The following MAD1L1 variants were observed in gnomAD, a reference collection of about 807,000 sequenced individuals.
The protein encoded by MAD1L1 is mitotic spindle assembly checkpoint protein MAD1.
MAD1L1 carries 95 observed loss-of-function variants against 96.9 expected under a neutral mutation model. The ratio of observed to expected loss-of-function variants is 0.98; its 90% confidence interval spans 0.83 to 1.16. The LOEUF is 1.16. Ranked by LOEUF, MAD1L1 falls within the 50% of genes most tolerant of loss-of-function variation. MAD1L1 has a pLI of 0.00. For missense variants in MAD1L1, 1,007 were observed against 954.4 expected (o/e 1.06, Z -0.73); for synonymous variants, 473 against 396.6 (o/e 1.19, Z -2.29).
intron 15 of MAD1L1, among the ~76,000 whole-genome samples, chr7:1,974,922 G>A (rs1780566682): frequency 6.6e-6 from 1 of 152,232 alleles, no homozygotes; most frequent in South Asian, 2.1e-4. Flanking sequence ...ACAGGACCCA[G>A]GCAGGCAGGG....
At chr7:2,097,374 C>T (rs542777895) in intron 11 of MAD1L1, among the ~76,000 whole-genome samples, 1 of 152,320 alleles carries the variant, frequency 6.6e-6, no homozygotes, top group South Asian at 2.1e-4. Flanking sequence ...CAAAGCAGCA[C>T]AATGCAGGCA....
intron 11 of MAD1L1, among the ~76,000 whole-genome samples, chr7:2,082,319 A>T: frequency 6.6e-6 from 1 of 151,998 alleles, no homozygotes; most frequent in East Asian, 1.9e-4. Flanking sequence ...TGTGTGAGAC[A>T]GAGTGCAGGA....
chr7:2,032,174 C>G (rs1783256468), intron 12 of MAD1L1, among the ~76,000 whole-genome samples: 1 of 152,220 alleles, frequency 6.6e-6, no homozygotes, highest in Non-Finnish European at 1.5e-5. Flanking sequence ...TGTCCAGTGC[C>G]TGGAACAGAA....
intron 12 of MAD1L1, among the ~76,000 whole-genome samples, chr7:2,054,914 G>T (rs1784325951): frequency 6.6e-6 from 1 of 152,238 alleles, no homozygotes; most frequent in Admixed American, 6.5e-5. Context: ...CTGCTCCTTG[G>T]ACATCCCCAG....
At chr7:2,044,611 ACACATGAAGTC>A (rs1783838583) in intron 12 of MAD1L1, among the ~76,000 whole-genome samples, 1 of 152,166 alleles carries the variant, frequency 6.6e-6, no homozygotes, top group African/African-American at 2.4e-5. Context: ...GGTCCTGAGT[ACACATGAAGTC>A]CCCAGGCGAT....
At chr7:1,937,195 C>A (rs141346649) in intron 16 of MAD1L1, among the ~76,000 whole-genome samples, 1 of 152,190 alleles carries the variant, frequency 6.6e-6, no homozygotes, top group Non-Finnish European at 1.5e-5. Flanking sequence ...CAGCCAAGTG[C>A]GGTGCTTCCC....
At chr7:2,117,486 T>C (rs1787766930) in intron 11 of MAD1L1, among the ~76,000 whole-genome samples, 1 of 152,212 alleles carries the variant, frequency 6.6e-6, no homozygotes, top group Non-Finnish European at 1.5e-5. Context: ...GTAGTTTCCA[T>C]AATGCCCACA....
intron 18 of MAD1L1, among the ~76,000 whole-genome samples, chr7:1,834,432 A>G (rs905573418): frequency 5.3e-5 from 8 of 152,232 alleles, no homozygotes; most frequent in African/African-American, 1.9e-4. Context: ...TAACATCAGG[A>G]AGAAGAGGGA....
At chr7:2,042,101 A>G (rs934328600) in intron 12 of MAD1L1, among the ~76,000 whole-genome samples, 1 of 147,178 alleles carries the variant, frequency 6.8e-6, no homozygotes, top group Non-Finnish European at 1.5e-5. Flanking sequence ...CCACACACGC[A>G]CATGTGCACA....
intron 12 of MAD1L1, among the ~76,000 whole-genome samples, chr7:2,024,221 G>A (rs1318225588): frequency 2.6e-5 from 4 of 152,112 alleles, no homozygotes; most frequent in Non-Finnish European, 4.4e-5. Flanking sequence ...AACATTATGA[G>A]CAACTCTACG....
chr7:1,972,925 A>G (rs1414015105), intron 15 of MAD1L1, among the ~76,000 whole-genome samples: 1 of 152,182 alleles, frequency 6.6e-6, no homozygotes, highest in Non-Finnish European at 1.5e-5. Context: ...CAATGCAGAC[A>G]TGTGTTGCTA....
At chr7:2,063,864 G>A (rs1411679638) in intron 12 of MAD1L1, among the ~76,000 whole-genome samples, 2 of 152,168 alleles carry the variant, frequency 1.3e-5, no homozygotes, top group Non-Finnish European at 2.9e-5. Context: ...AGCCTCCCTC[G>A]CTCTGCCCTC....
intron 12 of MAD1L1, among the ~76,000 whole-genome samples, chr7:2,067,308 C>CACGTTCACAGGCACCCGGGGTCA (rs1271350870): frequency 1.3e-5 from 2 of 151,958 alleles, no homozygotes; most frequent in Non-Finnish European, 2.9e-5. Context: ...GTCATCAGGC[C>CACGTTCACAGGCACCCGGGGTCA]TGAGCCCAAA....
intron 10 of MAD1L1, among the ~76,000 whole-genome samples, chr7:2,160,458 G>C (rs1790050555): frequency 6.6e-6 from 1 of 150,546 alleles, no homozygotes; most frequent in Non-Finnish European, 1.5e-5. Flanking sequence ...TCAGACTCCC[G>C]AGGGGCTGGG....
chr7:2,150,845 C>T (rs942650274), intron 10 of MAD1L1, among the ~76,000 whole-genome samples: 2 of 152,248 alleles, frequency 1.3e-5, no homozygotes, highest in Admixed American at 1.3e-4. Flanking sequence ...CCTCTGCCCA[C>T]CCAAAGAACA....
chr7:2,002,886 G>A (rs886372566), intron 13 of MAD1L1, among the ~76,000 whole-genome samples: 5 of 152,152 alleles, frequency 3.3e-5, no homozygotes, highest in Admixed American at 1.3e-4. Context: ...CTGCCCCTGC[G>A]GTTCCTACCT....
chr7:2,007,888 G>A (rs1162353139), intron 13 of MAD1L1, among the ~76,000 whole-genome samples: 1 of 152,212 alleles, frequency 6.6e-6, no homozygotes, highest in Non-Finnish European at 1.5e-5. Flanking sequence ...GAATTATTTT[G>A]TAATAAAAGT....
intron 10 of MAD1L1, chr7:2,175,308 C>A (rs914890399): frequency 2.0e-5 from 3 of 152,170 alleles, no homozygotes; most frequent in Admixed American, 1.3e-4. Flanking sequence ...TAAGCAGTCA[C>A]AGCTCCCAAG....
chr7:1,981,465 G>A (rs111437732), intron 14 of MAD1L1, among the ~76,000 whole-genome samples: 3,501 of 152,226 alleles, frequency 0.023, 137 homozygotes, highest in African/African-American at 0.08. Context: ...TGCTAAGGAA[G>A]GCCCACCCAG....
Sources: gnomAD v4.1 joint callset for allele counts (sites outside exome capture counted in the v4.1 genomes callset) on GRCh38, gnomAD v4.1.1 for gene constraint, MANE v1.5 for transcripts, NCBI Gene and HGNC (gene_info 2026-07-23, HGNC 2026-07-21) for gene names.